Variants in KRT33B observed in about 807,000 individuals in gnomAD.
KRT33B encodes keratin 33B, also known as keratin, type I cuticular Ha3-II.
In KRT33B, 37 loss-of-function variants were observed where a neutral mutation model predicts 42.7. The ratio of observed to expected loss-of-function variants is 0.87; its 90% CI spans 0.67 to 1.14. KRT33B has a LOEUF of 1.14. KRT33B is among the 50% of genes most tolerant of loss of function. KRT33B has a pLI of 0.00. For missense variants in KRT33B, 523 were observed against 515.1 expected, an observed-to-expected ratio of 1.02 and a Z score of -0.15; for synonymous variants, 237 against 221.2, an observed-to-expected ratio of 1.07 and a Z score of -0.63.
intron 1 of KRT33B, 96 bp from the exon 2 acceptor site, chr17:41,368,086 T>A: frequency 1.8e-6 from 2 of 1,134,714 alleles, no homozygotes; most frequent in Non-Finnish European, 2.6e-6. Flanking sequence ...TCCTCCCAAA[T>A]AGCTTTGAGT....
chr17:41,368,088 G>T, intron 1 of KRT33B, 98 bp from the exon 2 acceptor site: 2 of 1,129,140 alleles, frequency 1.8e-6, no homozygotes, highest in Non-Finnish European at 2.7e-6. Flanking sequence ...CTCCCAAATA[G>T]CTTTGAGTCC....
chr17:41,366,524 G>T lies in KRT33B; in HGVS notation c.534C>A (p.Ala178=). ...ELTLCRSDLE[A]QMESLKEELL... ...GCTCCTCCTTCAGGGACTCCATCTGGGCCTCCAGGTCAGACCTGCACAGGG... is the reference window on the plus strand; with the variant it reads ...GCTCCTCCTTCAGGGACTCCATCTGTGCCTCCAGGTCAGACCTGCACAGGG... Residue 178 remains alanine (A), a synonymous_variant, in exon 3 of 7, where the codon GCC becomes GCA. Transcript: ENST00000251646. 6.2e-7 allele frequency: 1 copy of T among 1,612,468 alleles called. No homozygotes were observed. Among genetic ancestry groups the T allele is most frequent in the Non-Finnish European group, 8.5e-7 (1 of 1,179,988 alleles).
chr17:41,367,265 T>C (rs2017712405), intron 2 of KRT33B, among the ~76,000 whole-genome samples: 1 of 151,448 alleles, frequency 6.6e-6, no homozygotes, highest in Non-Finnish European at 1.5e-5. Flanking sequence ...GGATTTTGCC[T>C]CCTGTTTTTG....
rs929622875 is a variant in KRT33B at position 41,365,234 on chromosome 17, T to C, written c.817A>G (p.Ile273Val). The C allele has an allele frequency of 1.2e-6, 2 of 1,611,950 alleles. No individual in the cohort carries two copies. Among genetic ancestry groups the C allele is most frequent in the Non-Finnish European group, 1.7e-6 (2 of 1,180,018 alleles). ...GCATTGACTGTGCGTCTCAGCTCGA[T>C]GATCTCCGCCTGGTAGGACTGCAGC... ...EQLQSYQAEI[I>V]ELRRTVNALE... Residue 273 changes from isoleucine (I) to valine (V), a missense_variant, in exon 5 of 7, where the codon ATC becomes GTC. Ile to Val is a conservative substitution (Grantham distance 29). Coordinates refer to ENST00000251646, the MANE Select transcript of KRT33B (RefSeq NM_002279.5).
intron 3 of KRT33B, among the ~76,000 whole-genome samples, chr17:41,366,195 G>C (rs1031784176): frequency 4.6e-5 from 7 of 151,172 alleles, no homozygotes; most frequent in Non-Finnish European, 1.0e-4. Context: ...GAAGCTAATA[G>C]ATAGCATCAA....
At chr17:41,366,359 C>T in intron 3 of KRT33B, 111 bp downstream of exon 3, 1 of 1,280,780 alleles carries the variant, frequency 7.8e-7, no homozygotes, top group Non-Finnish European at 1.1e-6. Flanking sequence ...TTTGAGCAAC[C>T]AGCAAAATGT....
intron 6 of KRT33B, 123 bp downstream of exon 6, chr17:41,364,655 TA>T: frequency 1.6e-6 from 2 of 1,231,250 alleles, no homozygotes; most frequent in Non-Finnish European, 2.3e-6. Context: ...CCCACGGCTG[TA>T]ATATAAAACT....
Position 41,369,432 on chromosome 17 carries a change from A to G in KRT33B, c.319T>C (p.Phe107Leu), listed in dbSNP as rs2017745803. 1 of 1,613,236 alleles carries G rather than the reference A, an allele frequency of 6.2e-7. No individual in the cohort carries two copies. The highest frequency in any genetic ancestry group is 8.5e-7 in the Non-Finnish European group (1 of 1,180,054). ...PLLCPSYQSY[F>L]KTIEELQQKI... ...TGCTGGAGCTCCTCAATGGTCTTGA[A>G]GTAGGACTGGTAGCTGGGGCACAGC... Residue 107 changes from phenylalanine to leucine, a missense_variant, in exon 1 of 7, where the codon TTC becomes CTC. Physicochemically the swap from Phe to Leu is conservative, Grantham distance 22. Coordinates refer to ENST00000251646, the MANE Select transcript of KRT33B (RefSeq NM_002279.5).
chr17:41,369,305 A>G, intron 1 of KRT33B, 98 bp downstream of exon 1: 3 of 1,460,284 alleles, frequency 2.1e-6, no homozygotes, highest in Non-Finnish European at 1.9e-6. Flanking sequence ...TATCATTCTC[A>G]GCATTACTGT....
At chr17:41,365,645 T>C in intron 3 of KRT33B, 92 bp from the exon 4 acceptor site, 1 of 1,482,938 alleles carries the variant, frequency 6.7e-7, no homozygotes, top group Admixed American at 2.5e-5. Context: ...GAGGATTGCA[T>C]TGCAGCTTAG....
rs1161412261 is a variant in KRT33B, at chr17:41,367,976, C to T, written c.363G>A (p.Lys121=). Residue 121 remains lysine (K), a synonymous_variant, in exon 2 of 7, where the codon AAG becomes AAA. Transcript: ENST00000251646. ...GCACCACCAGCCTGGCATTCTCAGA[C>T]TTGCTGCACAGGATCTGGGGATAGG... ...EELQQKILCS[K]SENARLVVQI... is the part of the protein sequence containing the mutation. The T allele has an allele frequency of 1.2e-6, 2 of 1,612,974 alleles. No individual in the cohort carries two copies. The highest frequency in any genetic ancestry group is 2.7e-5 in the African/African-American group (2 of 73,892).
At chr17:41,366,062 C>T (rs2017697268) in intron 3 of KRT33B, among the ~76,000 whole-genome samples, 1 of 151,308 alleles carries the variant, frequency 6.6e-6, no homozygotes, top group African/African-American at 2.5e-5. Context: ...GTTCATCCAT[C>T]CATCCATTCA....
chr17:41,365,302 T>A lies in KRT33B; in HGVS notation c.751-2A>T. 1 of 1,612,722 alleles carries A rather than the reference T, an allele frequency of 6.2e-7. No individual in the cohort carries two copies. Among genetic ancestry groups the A allele is most frequent in the Non-Finnish European group, 8.5e-7 (1 of 1,179,960 alleles). ...CACCTGCTTGTTCAGCTCCTCGGTC[T>A]GAAACACCCAAGGGGAGAAAGGATC... is the stretch of plus-strand genomic sequence containing the variant. On this transcript the variant is annotated splice_acceptor_variant, in intron 4 of 6. Coordinates refer to ENST00000251646, the MANE Select transcript of KRT33B (RefSeq NM_002279.5). LOFTEE classifies it high-confidence loss of function.
chr17:41,369,265 G>A, intron 1 of KRT33B, 138 bp downstream of exon 1: 1 of 1,263,304 alleles, frequency 7.9e-7, no homozygotes, highest in East Asian at 2.5e-5. Flanking sequence ...ACTACTTGAT[G>A]TCATACCTAA....
chr17:41,363,626 A>G lies in KRT33B; in HGVS notation c.*210T>C. 1 of 437,824 alleles carries G rather than the reference A, an allele frequency of 2.3e-6. No homozygotes were observed. Among genetic ancestry groups the G allele is most frequent in the Non-Finnish European group, 4.1e-6 (1 of 246,758 alleles). The allele number at this position is 437,824 out of a possible 1,614,324, so 27.1% of individuals were successfully genotyped here. A position where few individuals can be genotyped will look rare whatever the true frequency, so the allele number is the denominator to read the frequency against. On this transcript the variant is annotated 3_prime_UTR_variant, in exon 7 of 7. Coordinates refer to ENST00000251646, the MANE Select transcript of KRT33B (RefSeq NM_002279.5). ...CCTCTGACCATCAGAACTCAGACTG[A>G]CTACAGGAGAGGGACCTGGGGTGAG...
In KRT33B at chr17:41,363,577, C is replaced by T. The variant is rs80035009; in HGVS notation, c.*259G>A. 5.7e-3 allele frequency: 2,097 copies of T among 367,962 alleles called. 137 individuals are homozygous for T. The highest frequency in any genetic ancestry group is 0.042 in the African/African-American group (1,950 of 46,854). 22.8% of individuals were successfully genotyped at this position (367,962 alleles called of 1,614,324 possible). A position where few individuals can be genotyped will look rare whatever the true frequency, so the allele number is the denominator to read the frequency against. ...AAGCAGCAGAGAGAACAAAACACCT[C>T]GTATGCCACTGTCACAGCTCCAACC... On this transcript the variant is annotated 3_prime_UTR_variant, in exon 7 of 7. Transcript: ENST00000251646.
At position 41,369,741 on chromosome 17, in the gene KRT33B, T is replaced by G. The variant is rs773468113; in HGVS notation, c.10A>C (p.Asn4His). 46 of 1,613,370 alleles carry G rather than the reference T, an allele frequency of 2.9e-5. No homozygotes were observed. Among genetic ancestry groups the G allele is most frequent in the Middle Eastern group, 1.6e-4 (1 of 6,064 alleles). Residue 4 changes from asparagine (N) to histidine (H), a missense_variant, in exon 1 of 7, where the codon AAC (asparagine) becomes CAC (histidine). Transcript: ENST00000251646. ...CAGCTCAGGCTGGGCAGGCAGAAGT[T>G]GTAGGGCATGGTGCAGGGAGGCAGT... is the stretch of plus-strand genomic sequence containing the variant. MPY[N>H]FCLPSLSCRT...
At position 41,363,766 on chromosome 17, in the gene KRT33B, CAG is replaced by C; in HGVS notation, c.*68_*69del. ...GTGGGGTCCGGTGGCTGATGGTTGT[CAG>C]AGAGGCAGAACTGGCCCACCGATGG... On this transcript the variant is annotated 3_prime_UTR_variant, in exon 7 of 7. Transcript: ENST00000251646. 1 of 1,050,064 alleles carries C rather than the reference CAG, an allele frequency of 9.5e-7. No individual in the cohort carries two copies. Among genetic ancestry groups the C allele is most frequent in the Non-Finnish European group, 1.4e-6 (1 of 693,682 alleles). 65.0% of individuals were successfully genotyped at this position (1,050,064 alleles called of 1,614,324 possible). A position where few individuals can be genotyped will look rare whatever the true frequency, so the allele number is the denominator to read the frequency against.
intron 2 of KRT33B, 112 bp from the exon 3 acceptor site, chr17:41,366,738 T>A: frequency 1.7e-6 from 2 of 1,146,324 alleles, no homozygotes; most frequent in African/African-American, 1.6e-5. Flanking sequence ...ATTTTGAATT[T>A]AAAAAATTAA....
Sources: gnomAD v4.1 joint callset for allele counts (sites outside exome capture counted in the v4.1 genomes callset) on GRCh38, gnomAD v4.1.1 for gene constraint, MANE v1.5 for transcripts, NCBI Gene and HGNC (gene_info 2026-07-23, HGNC 2026-07-21) for gene names.